Variants in CPA6 observed in about 807,000 individuals in gnomAD.
CPA6 encodes carboxypeptidase A6.
In CPA6, 58 loss-of-function variants were observed where a neutral mutation model predicts 63.3. The observed-to-expected ratio is 0.92, with a 90% confidence interval of 0.74 to 1.14. CPA6 has a LOEUF of 1.14. Ranked by LOEUF, CPA6 falls within the 50% of genes most tolerant of loss-of-function variation. The pLI is 0.00. For synonymous variants in CPA6, 185 were observed against 179.0 expected, an observed-to-expected ratio of 1.03 and a Z score of -0.27; for missense variants, 565 against 526.6, an observed-to-expected ratio of 1.07 and a Z score of -0.71.
chr8:67,563,474 G>A (rs751160518), intron 2 of CPA6, among the ~76,000 whole-genome samples: 5 of 152,220 alleles, frequency 3.3e-5, no homozygotes, highest in Non-Finnish European at 5.9e-5. Context: ...TAAAAATCTT[G>A]GACAGAACAT....
chr8:67,548,148 C>T (rs111667408), intron 2 of CPA6, among the ~76,000 whole-genome samples: 30 of 127,284 alleles, frequency 2.4e-4, no homozygotes, highest in African/African-American at 6.3e-4. Flanking sequence ...TCTCTCTCTC[C>T]CTCTCATCCT....
At chr8:67,582,648 G>A (rs905581693) in intron 2 of CPA6, among the ~76,000 whole-genome samples, 1 of 152,184 alleles carries the variant, frequency 6.6e-6, no homozygotes, top group Admixed American at 6.5e-5. Context: ...TGGGAAGATC[G>A]ATGAATGAAT....
chr8:67,604,676 G>A (rs1814580653), intron 2 of CPA6, among the ~76,000 whole-genome samples: 1 of 152,154 alleles, frequency 6.6e-6, no homozygotes, highest in African/African-American at 2.4e-5. Flanking sequence ...AACATTTGTG[G>A]AATTTGTTTC....
chr8:67,736,398 C>T (rs187487125), intron 1 of CPA6, among the ~76,000 whole-genome samples: 1 of 152,174 alleles, frequency 6.6e-6, no homozygotes, highest in South Asian at 2.1e-4. Context: ...CTCAACCTAC[C>T]TGCTCTAGTT....
At chr8:67,562,740 G>A (rs1267187708) in intron 2 of CPA6, among the ~76,000 whole-genome samples, 1 of 152,188 alleles carries the variant, frequency 6.6e-6, no homozygotes, top group Non-Finnish European at 1.5e-5. Flanking sequence ...ACAGTGGAAA[G>A]ATGCTGTCTC....
intron 1 of CPA6, among the ~76,000 whole-genome samples, chr8:67,627,169 A>G (rs1260706938): frequency 3.3e-5 from 5 of 152,166 alleles, no homozygotes; most frequent in Non-Finnish European, 7.4e-5. Flanking sequence ...AGTAAATTAT[A>G]TTGATGGAAT....
intron 2 of CPA6, among the ~76,000 whole-genome samples, chr8:67,526,941 T>A: frequency 6.6e-6 from 1 of 152,252 alleles, no homozygotes; most frequent in South Asian, 2.1e-4. Context: ...ACCTATTAGA[T>A]AAGGGAAAAA....
chr8:67,533,042 C>T (rs1201516472), intron 2 of CPA6, among the ~76,000 whole-genome samples: 1 of 152,146 alleles, frequency 6.6e-6, no homozygotes, highest in East Asian at 1.9e-4. Flanking sequence ...AGGAATCAGG[C>T]ATTGTATAGG....
rs1218976313 is a variant in CPA6, at chr8:67,659,961, TTAAAA to T, written c.117-35715_117-35711del. On this transcript the variant is annotated intron_variant, in intron 1 of 10. Transcript: ENST00000297770. ...AATGAATTGGATAAGATAGCAACCT[TTAAAA>T]TATTATTTCCCTCTACCGTGGAAAA... Among the ~76,000 whole-genome samples, 6 of 152,220 alleles carry T rather than the reference TTAAAA, an allele frequency of 3.9e-5. No homozygotes were observed. The East Asian group carries it at 1.2e-3, about 29-fold the overall frequency.
intron 2 of CPA6, among the ~76,000 whole-genome samples, chr8:67,591,053 A>G (rs1022669960): frequency 6.6e-6 from 1 of 150,442 alleles, no homozygotes; most frequent in African/African-American, 2.4e-5. Context: ...ATCTTGAATT[A>G]ATTTTTGTAT....
At chr8:67,611,085 CTTCT>C (rs1814794801) in intron 2 of CPA6, among the ~76,000 whole-genome samples, 2 of 108,852 alleles carry the variant, frequency 1.8e-5, no homozygotes, top group South Asian at 3.0e-4. Context: ...CTTTTCACTC[CTTCT>C]TTTTTTTTTT....
rs1165708615 is a variant in CPA6, at chr8:67,533,035, A to C, written c.193-14988T>G. 5.3e-5 allele frequency among the ~76,000 whole-genome samples: 8 copies of C among 152,336 alleles called. No homozygotes were observed. In the East Asian group the frequency reaches 1.5e-3, roughly 29 times the overall value. On this transcript the variant is annotated intron_variant, in intron 2 of 10. Coordinates refer to ENST00000297770, the MANE Select transcript of CPA6 (RefSeq NM_020361.5). ...AAGGACTTATTCCAGGCTCACTAGG[A>C]ATCAGGCATTGTATAGGTAAGATTT...
intron 1 of CPA6, among the ~76,000 whole-genome samples, chr8:67,734,293 T>C (rs1817772767): frequency 6.6e-6 from 1 of 151,078 alleles, no homozygotes; most frequent in Admixed American, 6.6e-5. Context: ...TTGGAGAGTT[T>C]TTAGAATAGT....
At chr8:67,718,835 C>G (rs186670462) in intron 1 of CPA6, among the ~76,000 whole-genome samples, 64 of 152,042 alleles carry the variant, frequency 4.2e-4, no homozygotes, top group African/African-American at 1.4e-3. Flanking sequence ...TTAGTAGAGA[C>G]GGGGTTTCAC....
At chr8:67,700,279 C>T (rs1816997056) in intron 1 of CPA6, among the ~76,000 whole-genome samples, 2 of 152,198 alleles carry the variant, frequency 1.3e-5, no homozygotes, top group African/African-American at 2.4e-5. Context: ...GAATAGCACA[C>T]ATTCTTTCAG....
chr8:67,530,180 A>G (rs189607915), intron 2 of CPA6, among the ~76,000 whole-genome samples: 73 of 151,442 alleles, frequency 4.8e-4, no homozygotes, highest in African/African-American at 1.6e-3. Context: ...AGTTGAGGAC[A>G]TTTCCCAGAG....
chr8:67,618,741 T>G (rs113672941), intron 2 of CPA6, among the ~76,000 whole-genome samples: 2,596 of 152,296 alleles, frequency 0.017, 34 homozygotes, highest in Middle Eastern at 0.037. Flanking sequence ...GTGTGTCAAT[T>G]GTATAATGGA....
chr8:67,450,334 C>A (rs1366958130), intron 8 of CPA6, among the ~76,000 whole-genome samples: 2 of 152,096 alleles, frequency 1.3e-5, no homozygotes, highest in African/African-American at 4.8e-5. Context: ...GAAAATCAGA[C>A]CCTCTTATAG....
At chr8:67,511,764 C>A (rs1353895071) in intron 3 of CPA6, 109 bp from the exon 4 acceptor site, 2 of 669,160 alleles carry the variant, frequency 3.0e-6, no homozygotes, top group South Asian at 1.8e-5. Flanking sequence ...CTGTGGTGAT[C>A]AATATTCCTA....
Sources: gnomAD v4.1 joint callset for allele counts (sites outside exome capture counted in the v4.1 genomes callset) on GRCh38, gnomAD v4.1.1 for gene constraint, MANE v1.5 for transcripts, NCBI Gene and HGNC (gene_info 2026-07-23, HGNC 2026-07-21) for gene names.